MAGEB10: variants seen among roughly 807,000 people sequenced by gnomAD.
MAGEB10 encodes melanoma-associated antigen B10.
For missense variants in MAGEB10, 190 were observed against 261.9 expected (o/e 0.73, Z 1.89); for synonymous variants, 99 against 101.0 (o/e 0.98, Z 0.12).
intron 2 of MAGEB10, among the ~76,000 whole-genome samples, chrX:27,819,873 G>A (rs1044518777): frequency 9.0e-6 from 1 of 111,455 alleles, no homozygotes; most frequent in East Asian, 2.8e-4. Context: ...AGAGGGAGGT[G>A]TTAAATCAGC....
rs1923910212 is a variant in MAGEB10, at chrX:27,822,595, C to T, written c.*245C>T. 2 of 356,458 alleles carry T rather than the reference C, an allele frequency of 5.6e-6. No homozygotes were observed. Among genetic ancestry groups the T allele is most frequent in the South Asian group, 1.9e-4 (2 of 10,684 alleles). 29.4% of individuals were successfully genotyped at this position (356,458 alleles called of 1,213,427 possible). ...GAGATTAAGAGTAAGCGATTTATTG[C>T]TTTATAAGTCTAATTGGGAAACTCT... On this transcript the variant is annotated 3_prime_UTR_variant, in exon 3 of 3. Coordinates refer to ENST00000356790, the MANE Select transcript of MAGEB10 (RefSeq NM_182506.3).
chrX:27,819,401 T>A (rs886858435), intron 2 of MAGEB10, among the ~76,000 whole-genome samples: 5 of 111,820 alleles, frequency 4.5e-5, no homozygotes, highest in African/African-American at 1.6e-4. Flanking sequence ...CTCAGAAGAA[T>A]GAAGGCATTA....
chrX:27,812,872 T>C (rs1459536296), intron 1 of MAGEB10: 1 of 271,669 alleles, frequency 3.7e-6, no homozygotes, highest in East Asian at 9.3e-5. Context: ...ACTGCCACCA[T>C]GGCCAGTGCA....
rs897011441 is a variant in MAGEB10, at chrX:27,822,525, ACTAT to A, written c.*179_*182del. The A allele has an allele frequency of 6.6e-6, 3 of 453,964 alleles. No individual in the cohort carries two copies. Among genetic ancestry groups the A allele is most frequent in the Non-Finnish European group, 1.1e-5 (3 of 271,665 alleles). The allele number at this position is 453,964 out of a possible 1,213,427, so 37.4% of individuals were successfully genotyped here. On this transcript the variant is annotated 3_prime_UTR_variant, in exon 3 of 3. Transcript: ENST00000356790. The stretch of plus-strand genomic sequence containing the variant: ...TTTAATAGATGGTTAAAGTAGCTTC[ACTAT>A]CTAAGTTTATGAATGACATTGCTCA...
intron 1 of MAGEB10, among the ~76,000 whole-genome samples, chrX:27,815,419 G>A (rs1443396147): frequency 1.8e-5 from 2 of 111,922 alleles, no homozygotes; most frequent in Non-Finnish European, 3.8e-5. Flanking sequence ...CCACACTCAA[G>A]ATTTTTTCCA....
chrX:27,814,309 G>T (rs1923742716), intron 1 of MAGEB10, among the ~76,000 whole-genome samples: 1 of 110,889 alleles, frequency 9.0e-6, no homozygotes, highest in African/African-American at 3.3e-5. Flanking sequence ...CTAGATTTTT[G>T]ATGCGAGTGA....
At chrX:27,818,025 G>A (rs1303640893) in intron 2 of MAGEB10, among the ~76,000 whole-genome samples, 2 of 110,786 alleles carry the variant, frequency 1.8e-5, no homozygotes, top group African/African-American at 6.6e-5. Flanking sequence ...GAGTAAAGAT[G>A]AGGAAACTGG....
chrX:27,810,133 G>A (rs1215882780), intron 1 of MAGEB10, among the ~76,000 whole-genome samples: 1 of 111,511 alleles, frequency 9.0e-6, no homozygotes, highest in Non-Finnish European at 1.9e-5. Flanking sequence ...GCCAGCCTTG[G>A]CAACCCGCTG....
intron 1 of MAGEB10, chrX:27,812,489 G>A (rs771491161): frequency 1.7e-4 from 26 of 157,288 alleles, no homozygotes; most frequent in Non-Finnish European, 2.7e-4. Flanking sequence ...AGAATGGCCT[G>A]CTGATGACCA....
chrX:27,821,190 C>T (rs1195115450), intron 2 of MAGEB10, 68 bp from the exon 3 acceptor site: 2 of 617,961 alleles, frequency 3.2e-6, no homozygotes, highest in African/African-American at 2.3e-5. Context: ...CAGAGGTGGC[C>T]GTCAATAAAG....
In MAGEB10 at chrX:27,822,040, G is replaced by A; in HGVS notation, c.734G>A (p.Arg245Lys). 8.3e-7 allele frequency: 1 copy of A among 1,211,956 alleles called. No individual in the cohort carries two copies. Among genetic ancestry groups the A allele is most frequent in the South Asian group, 1.8e-5 (1 of 56,988 alleles). Residue 245 changes from arginine to lysine, a missense_variant, in exon 3 of 3, where the codon AGG (arginine) becomes AAG (lysine). By Grantham distance (26) the Arg-to-Lys change is conservative. Coordinates refer to ENST00000356790, the MANE Select transcript of MAGEB10 (RefSeq NM_182506.3). The stretch of plus-strand genomic sequence containing the variant: ...GAGCACTTCATGTTTGGGGAGCCCA[G>A]GAAGCTCCTTACCAAAGATTTGGTG... ...GIEHFMFGEPRKLLTKDLVKE... is the reference protein window; with the variant it reads ...GIEHFMFGEPKKLLTKDLVKE...
At chrX:27,816,588 T>C (rs1433434488) in intron 1 of MAGEB10, among the ~76,000 whole-genome samples, 1 of 111,739 alleles carries the variant, frequency 8.9e-6, no homozygotes, top group Admixed American at 9.5e-5. Context: ...TTTTTCAGTC[T>C]CTTGAGATTA....
intron 2 of MAGEB10, among the ~76,000 whole-genome samples, chrX:27,820,686 T>C (rs1470344856): frequency 9.0e-6 from 1 of 110,964 alleles, no homozygotes; most frequent in Non-Finnish European, 1.9e-5. Flanking sequence ...TCTGAGGGGA[T>C]AGGTCTCAGG....
At chrX:27,812,707 G>A (rs1030893763) in intron 1 of MAGEB10, 9 of 361,535 alleles carry the variant, frequency 2.5e-5, no homozygotes, top group African/African-American at 5.2e-5. Flanking sequence ...TTCCTGTGGC[G>A]TCCACGAGCC....
chrX:27,813,928 A>G (rs1303044259), intron 1 of MAGEB10, among the ~76,000 whole-genome samples: 1 of 112,006 alleles, frequency 8.9e-6, no homozygotes, highest in Non-Finnish European at 1.9e-5. Flanking sequence ...CACAGTCCAC[A>G]AACTATGTTT....
chrX:27,812,658 T>C (rs2147392783), intron 1 of MAGEB10: 2 of 318,243 alleles, frequency 6.3e-6, no homozygotes, highest in South Asian at 6.6e-5. Context: ...GTACCTGGAG[T>C]ATTGGGAAGT....
At chrX:27,811,210 A>G (rs1340310891) in intron 1 of MAGEB10, among the ~76,000 whole-genome samples, 3 of 110,345 alleles carry the variant, frequency 2.7e-5, no homozygotes, top group Non-Finnish European at 5.7e-5. Flanking sequence ...GGCCTCCCTA[A>G]TATCTTTATC....
In MAGEB10 at chrX:27,821,954, T is replaced by C. The variant is rs774672183; in HGVS notation, c.648T>C (p.Asn216=). The C allele has an allele frequency of 8.3e-7, 1 of 1,210,135 alleles. No individual in the cohort carries two copies. The highest frequency in any genetic ancestry group is 1.1e-6 in the Non-Finnish European group (1 of 895,352). Residue 216 remains asparagine (N), a synonymous_variant, in exon 3 of 3, where the codon AAT becomes AAC. Transcript: ENST00000356790. ...TVLGIIFTNG[N]CVAEEEVWKV... ...TGGGTATTATCTTCACAAATGGCAATTGTGTCGCTGAGGAGGAAGTCTGGA... is the reference window on the plus strand; with the variant it reads ...TGGGTATTATCTTCACAAATGGCAACTGTGTCGCTGAGGAGGAAGTCTGGA...
At chrX:27,811,828 C>A in intron 1 of MAGEB10, 1 of 122,815 alleles carries the variant, frequency 8.1e-6, no homozygotes, top group South Asian at 2.8e-4. Context: ...TCCTTGAGGT[C>A]ACTTCATCAC....
Sources: allele counts gnomAD v4.1 joint callset (sites outside exome capture counted in the v4.1 genomes callset), GRCh38; gene constraint gnomAD v4.1.1; transcripts MANE v1.5; gene names NCBI Gene and HGNC (gene_info 2026-07-23, HGNC 2026-07-21).